Variants in GLI3 observed in about 807,000 individuals in gnomAD.
GLI3 encodes the protein GLI family zinc finger 3.
In GLI3, 20 loss-of-function variants were observed where a neutral mutation model predicts 100.8. That is an observed-to-expected ratio of 0.20 (90% CI 0.14 to 0.29). The LOEUF (loss-of-function observed/expected upper bound fraction) is 0.29, where lower values mean the gene tolerates loss of function less well. GLI3 is among the 10% of genes least tolerant of loss of function. The pLI is 1.00. For synonymous variants in GLI3, 938 were observed against 860.5 expected (o/e 1.09, Z -1.58); for missense variants, 2,040 against 2,128.5 (o/e 0.96, Z 0.82).
At chr7:42,202,346 TCA>T (rs59941465) in intron 2 of GLI3, among the ~76,000 whole-genome samples, 11,518 of 115,034 alleles carry the variant, frequency 0.1, 483 homozygotes, top group African/African-American at 0.12. Flanking sequence ...TCTCTCTCTC[TCA>T]CACACACACA....
In GLI3 at chr7:41,961,116, A is replaced by G. The variant is rs1323064880; in HGVS notation, c.*3214T>C. The G allele has an allele frequency of 6.6e-6, 1 of 152,620 alleles. No homozygotes were observed. The highest frequency in any genetic ancestry group is 1.9e-4 in the East Asian group (1 of 5,192). The allele number at this position is 152,620 out of a possible 1,614,324, so 9.5% of individuals were successfully genotyped here. ...CGGGGAATGCAGGCTTGTCCGAGGA[A>G]CGCCTGGGCCAGTCACATCTGAACG... On this transcript the variant is annotated 3_prime_UTR_variant, in exon 15 of 15. Transcript: ENST00000395925.
intron 6 of GLI3, among the ~76,000 whole-genome samples, chr7:42,041,464 A>G (rs1200407510): frequency 6.6e-6 from 1 of 152,250 alleles, no homozygotes; most frequent in Non-Finnish European, 1.5e-5. Flanking sequence ...GAGTCATCAA[A>G]CTAAAGTTTA....
intron 7 of GLI3, among the ~76,000 whole-genome samples, chr7:42,030,530 T>C (rs1789256181): frequency 6.6e-6 from 1 of 152,164 alleles, no homozygotes; most frequent in African/African-American, 2.4e-5. Flanking sequence ...CATTTCTTTC[T>C]GCAGCACTTC....
intron 4 of GLI3, among the ~76,000 whole-genome samples, chr7:42,071,055 G>C (rs1426599940): frequency 2.0e-5 from 3 of 152,154 alleles, no homozygotes; most frequent in East Asian, 3.8e-4. Context: ...GATGGTCATA[G>C]CAGTGACCCT....
intron 3 of GLI3, among the ~76,000 whole-genome samples, chr7:42,129,917 G>A (rs1786231603): frequency 6.6e-6 from 1 of 152,168 alleles, no homozygotes; most frequent in South Asian, 2.1e-4. Flanking sequence ...ACAGGTAGCT[G>A]GCATTTCTCC....
At chr7:42,234,095 T>C (rs929362163) in intron 1 of GLI3, among the ~76,000 whole-genome samples, 2 of 152,208 alleles carry the variant, frequency 1.3e-5, no homozygotes, top group African/African-American at 4.8e-5. Flanking sequence ...TTTAAGATAA[T>C]CTACTATAGT....
rs1018227461 is a variant in GLI3 at position 42,175,854 on chromosome 7, CTTA to C, written c.125-27389_125-27387del. ...GATTTCCTTAAATCCTCACCATGAGCTTATTGTTTCCATTTTATAAAATAAATA... is the reference window on the plus strand; with the variant it reads ...GATTTCCTTAAATCCTCACCATGAGCTTGTTTCCATTTTATAAAATAAATA... On this transcript the variant is annotated intron_variant, in intron 2 of 14. Transcript: ENST00000395925. Among the ~76,000 whole-genome samples the C allele has an allele frequency of 2.0e-4, 31 of 152,134 alleles. 1 individual carries two copies. The highest frequency in any genetic ancestry group is 3.7e-4 in the Non-Finnish European group (25 of 68,034).
At chr7:42,214,553 T>C (rs1344301153) in intron 2 of GLI3, among the ~76,000 whole-genome samples, 1 of 147,382 alleles carries the variant, frequency 6.8e-6, no homozygotes, top group Non-Finnish European at 1.5e-5. Flanking sequence ...AATAACAGCC[T>C]AAATTGCACT....
chr7:42,199,854 G>A (rs1483621676), intron 2 of GLI3, among the ~76,000 whole-genome samples: 1 of 152,136 alleles, frequency 6.6e-6, no homozygotes, highest in African/African-American at 2.4e-5. Flanking sequence ...TCAGGAGTTC[G>A]AGACCAGCCT....
intron 5 of GLI3, among the ~76,000 whole-genome samples, chr7:42,046,485 A>G (rs1185137835): frequency 6.6e-6 from 1 of 152,242 alleles, no homozygotes; most frequent in Admixed American, 6.5e-5. Flanking sequence ...TTTAGGCCAC[A>G]AGGGAAATAT....
Position 41,964,961 on chromosome 7 carries a change from C to A in GLI3, c.4112G>T (p.Gly1371Val). ...ESCLPGAHGM[G>V]SQPSSLAVVR... ...AACTGCCAAGCTTGACGGCTGGCTG[C>A]CCATGCCGTGAGCCCCTGGCAGGCA... The change falls in exon 15 of 15, where the codon GGC becomes GTC. Residue 1371 changes from glycine (G) to valine (V), a missense_variant. Gly to Val is a moderately radical substitution (Grantham distance 109). Around this residue, in one of 5 missense-constraint regions of GLI3, gnomAD observed 1,041 missense variants for 924.0 expected, o/e 1.13. Transcript: ENST00000395925. The A allele has an allele frequency of 6.2e-7, 1 of 1,613,696 alleles. No individual in the cohort carries two copies. The highest frequency in any genetic ancestry group is 8.5e-7 in the Non-Finnish European group (1 of 1,180,026).
intron 1 of GLI3, among the ~76,000 whole-genome samples, chr7:42,225,737 C>G (rs2128703566): frequency 6.6e-6 from 1 of 152,326 alleles, no homozygotes; most frequent in Admixed American, 6.5e-5. Context: ...ACCTGATGAA[C>G]TAATGAATGA....
At chr7:42,025,511 A>G in intron 8 of GLI3, 134 bp from the exon 9 acceptor site, 1 of 712,698 alleles carries the variant, frequency 1.4e-6, no homozygotes, top group Non-Finnish European at 2.5e-6. Context: ...TAATTCTCCA[A>G]TCCCAGTGTA....
Position 42,067,835 on chromosome 7 carries a change from G to C in GLI3, c.473+8917C>G, listed in dbSNP as rs574408682. Among the ~76,000 whole-genome samples, 20 of 152,294 alleles carry C rather than the reference G, an allele frequency of 1.3e-4. No individual in the cohort carries two copies. The Middle Eastern group carries it at 0.01, about 78-fold the overall frequency. ...GTACACACAATTCATTTTGGTATTA[G>C]TTCAGATTTTCAGTCTGGGGCCAGG... On this transcript the variant is annotated intron_variant, in intron 4 of 14. Transcript: ENST00000395925.
intron 4 of GLI3, among the ~76,000 whole-genome samples, chr7:42,074,324 C>T (rs1382937286): frequency 2.0e-5 from 3 of 152,194 alleles, no homozygotes; most frequent in South Asian, 2.1e-4. Flanking sequence ...AACAGGAATT[C>T]GAGCTCTCTG....
chr7:42,061,572 A>G (rs991195114), intron 4 of GLI3, among the ~76,000 whole-genome samples: 2 of 152,178 alleles, frequency 1.3e-5, no homozygotes, highest in African/African-American at 4.8e-5. Flanking sequence ...CATAAAGGTG[A>G]AAAAAGTGAG....
intron 10 of GLI3, among the ~76,000 whole-genome samples, chr7:41,993,203 CT>C (rs1788037067): frequency 6.6e-6 from 1 of 152,096 alleles, no homozygotes; most frequent in South Asian, 2.1e-4. Flanking sequence ...GGAGGCACAC[CT>C]GACCACCCCT....
intron 3 of GLI3, among the ~76,000 whole-genome samples, chr7:42,142,790 T>A (rs2128783399): frequency 1.3e-5 from 2 of 149,804 alleles, no homozygotes; most frequent in East Asian, 3.9e-4. Flanking sequence ...AAAAAAAAAA[T>A]TAGCCGGGTG....
chr7:42,184,741 T>A (rs1377559952), intron 2 of GLI3, among the ~76,000 whole-genome samples: 2 of 152,114 alleles, frequency 1.3e-5, no homozygotes, highest in Non-Finnish European at 2.9e-5. Context: ...CACTCATTCC[T>A]GGGGCAGCCC....
Sources: gnomAD v4.1 joint callset for allele counts (sites outside exome capture counted in the v4.1 genomes callset) on GRCh38, gnomAD v4.1.1 for gene constraint, gnomAD v4.1.1 regional missense constraint, MANE v1.5 for transcripts, NCBI Gene and HGNC (gene_info 2026-07-23, HGNC 2026-07-21) for gene names.